The following HOMER1 variants were observed in gnomAD, a reference collection of about 807,000 sequenced individuals.
HOMER1 encodes the protein homer protein homolog 1.
Under a neutral mutation model 48.9 loss-of-function variants are expected in HOMER1, and 3 were observed. The ratio of observed to expected loss-of-function variants is 0.06; its 90% confidence interval spans 0.03 to 0.16. The LOEUF is 0.16. Ranked by LOEUF, HOMER1 falls within the 10% of genes least tolerant of loss-of-function variation. The pLI, the probability that HOMER1 is intolerant of heterozygous loss-of-function variation, is 1.00. For missense variants in HOMER1, 247 were observed against 411.4 expected (o/e 0.60, Z 3.46); for synonymous variants, 134 against 146.4 (o/e 0.92, Z 0.61).
At chr5:79,492,629 C>G (rs1280952597) in intron 1 of HOMER1, among the ~76,000 whole-genome samples, 2 of 152,096 alleles carry the variant, frequency 1.3e-5, no homozygotes, top group Non-Finnish European at 2.9e-5. Context: ...GCAGTCGCAG[C>G]CCTCAAAAGA....
At chr5:79,421,043 CTG>C (rs1750084311) in intron 5 of HOMER1, among the ~76,000 whole-genome samples, 2 of 152,176 alleles carry the variant, frequency 1.3e-5, no homozygotes, top group Admixed American at 6.5e-5. Flanking sequence ...ACAAAGATAA[CTG>C]TGCTTTCCAG....
At chr5:79,437,480 CTA>C in intron 5 of HOMER1, among the ~76,000 whole-genome samples, 1 of 152,244 alleles carries the variant, frequency 6.6e-6, no homozygotes, top group East Asian at 1.9e-4. Context: ...ATAGAAACAA[CTA>C]AAATTTTTCA....
At chr5:79,384,347 C>G (rs560511696) in intron 8 of HOMER1, among the ~76,000 whole-genome samples, 2 of 152,132 alleles carry the variant, frequency 1.3e-5, no homozygotes, top group East Asian at 3.9e-4. Flanking sequence ...TACAGAAATA[C>G]AAAAGATTAC....
intron 1 of HOMER1, among the ~76,000 whole-genome samples, chr5:79,500,216 T>C (rs1020930591): frequency 2.6e-5 from 4 of 152,206 alleles, no homozygotes; most frequent in Non-Finnish European, 4.4e-5. Context: ...ATGTGGCTTC[T>C]ATGTGGGTGA....
chr5:79,426,140 G>A (rs1750242075), intron 5 of HOMER1, among the ~76,000 whole-genome samples: 1 of 151,972 alleles, frequency 6.6e-6, no homozygotes, highest in Non-Finnish European at 1.5e-5. Flanking sequence ...TGCTGGTGAG[G>A]ATAGAAAGTG....
chr5:79,485,393 T>C (rs1158676407), intron 1 of HOMER1, among the ~76,000 whole-genome samples: 1 of 152,210 alleles, frequency 6.6e-6, no homozygotes, highest in Non-Finnish European at 1.5e-5. Context: ...CATATGTTTT[T>C]CTTCATCGCA....
At chr5:79,435,151 C>A (rs60712506) in intron 5 of HOMER1, among the ~76,000 whole-genome samples, 2 of 152,180 alleles carry the variant, frequency 1.3e-5, no homozygotes, top group East Asian at 1.9e-4. Flanking sequence ...TGTTTTAAAT[C>A]TTGCTTATTT....
At chr5:79,426,954 A>T (rs1215917969) in intron 5 of HOMER1, among the ~76,000 whole-genome samples, 2 of 151,654 alleles carry the variant, frequency 1.3e-5, no homozygotes, top group African/African-American at 2.4e-5. Context: ...AATAAAAATT[A>T]AAAAAAAATT....
At chr5:79,451,216 C>G (rs1474609971) in intron 2 of HOMER1, 95 bp from the exon 3 acceptor site, 1 of 1,230,172 alleles carries the variant, frequency 8.1e-7, no homozygotes, top group Non-Finnish European at 1.2e-6. Flanking sequence ...TTAAGATTAT[C>G]AATAAGCCAC....
At chr5:79,482,178 C>A (rs1317822105) in intron 1 of HOMER1, among the ~76,000 whole-genome samples, 4 of 151,954 alleles carry the variant, frequency 2.6e-5, no homozygotes, top group Admixed American at 2.6e-4. Flanking sequence ...CATGGTACAC[C>A]ACTGCACTCC....
intron 6 of HOMER1, 77 bp downstream of exon 6, chr5:79,401,822 G>C: frequency 7.2e-7 from 1 of 1,396,934 alleles, no homozygotes; most frequent in Non-Finnish European, 1.0e-6. Flanking sequence ...TCCCTGTGCT[G>C]AATCTACATG....
rs1489130368 is a variant in HOMER1 at position 79,379,332 on chromosome 5, AT to A, written c.877-3136del. On this transcript the variant is annotated intron_variant, in intron 8 of 8. Transcript: ENST00000334082. ...AATATAAATATATAAATATTTATAT[AT>A]ATTTATATATTTTATATATTATATA... Among the ~76,000 whole-genome samples, 779 of 109,530 alleles carry A rather than the reference AT, an allele frequency of 7.1e-3. 8 individuals are homozygous for A. Among genetic ancestry groups the A allele is most frequent in the Middle Eastern group, 0.042 (10 of 238 alleles). The allele number at this position is 109,530 out of a possible 152,430, so 71.9% of individuals were successfully genotyped here.
At position 79,375,431 on chromosome 5, in the gene HOMER1, C is replaced by G. The variant is rs1748744974; in HGVS notation, c.*578G>C. The G allele has an allele frequency of 6.6e-6, 1 of 152,080 alleles. No individual in the cohort carries two copies. The highest frequency in any genetic ancestry group is 6.5e-5 in the Admixed American group (1 of 15,276). 9.4% of individuals were successfully genotyped at this position (152,080 alleles called of 1,614,324 possible). A position where few individuals can be genotyped will look rare whatever the true frequency, so the allele number is the denominator to read the frequency against. ...TTCCAGCACAAAAAAGGGAAGAACT[C>G]TATACACCCAGTTATAGTATATTTC... is the stretch of plus-strand genomic sequence containing the variant. On this transcript the variant is annotated 3_prime_UTR_variant, in exon 9 of 9. Coordinates refer to ENST00000334082, the MANE Select transcript of HOMER1 (RefSeq NM_004272.5).
At chr5:79,467,173 C>T (rs965293419) in intron 1 of HOMER1, among the ~76,000 whole-genome samples, 3 of 151,656 alleles carry the variant, frequency 2.0e-5, no homozygotes, top group African/African-American at 7.3e-5. Context: ...CTAAGGCGGG[C>T]GGATCACTTG....
chr5:79,383,880 A>C (rs933657037), intron 8 of HOMER1, among the ~76,000 whole-genome samples: 6 of 152,202 alleles, frequency 3.9e-5, no homozygotes, highest in Non-Finnish European at 8.8e-5. Context: ...AAATATATGA[A>C]AATTAAACTA....
intron 5 of HOMER1, among the ~76,000 whole-genome samples, chr5:79,405,429 C>T (rs1749639333): frequency 6.6e-6 from 1 of 152,164 alleles, no homozygotes; most frequent in South Asian, 2.1e-4. Flanking sequence ...ATTATGTAAC[C>T]TATCAATTTG....
intron 1 of HOMER1, among the ~76,000 whole-genome samples, chr5:79,494,603 T>G (rs1268959448): frequency 2.6e-5 from 4 of 152,346 alleles, no homozygotes; most frequent in African/African-American, 7.2e-5. Flanking sequence ...GTGCGGTGGC[T>G]CATGCCTGTA....
At chr5:79,453,700 A>T (rs1266773083) in intron 2 of HOMER1, among the ~76,000 whole-genome samples, 1 of 152,180 alleles carries the variant, frequency 6.6e-6, no homozygotes, top group Non-Finnish European at 1.5e-5. Context: ...CTGGCCCTTG[A>T]CCATGCTGAG....
intron 5 of HOMER1, among the ~76,000 whole-genome samples, chr5:79,402,447 G>T (rs1297764844): frequency 6.6e-6 from 1 of 152,160 alleles, no homozygotes. Context: ...GGGATTACAG[G>T]CGTGAGCCAC....
Sources: allele counts gnomAD v4.1 joint callset (sites outside exome capture counted in the v4.1 genomes callset), GRCh38; gene constraint gnomAD v4.1.1; transcripts MANE v1.5; gene names NCBI Gene and HGNC (gene_info 2026-07-23, HGNC 2026-07-21).